The following DLG1 variants were observed in gnomAD, a reference collection of about 807,000 sequenced individuals.
DLG1 encodes disks large homolog 1.
In DLG1, 42 loss-of-function variants were observed where a neutral mutation model predicts 123.4. That is an observed-to-expected ratio of 0.34 (90% CI 0.27 to 0.44). The LOEUF (loss-of-function observed/expected upper bound fraction) is 0.44. Ranked by LOEUF, DLG1 falls within the 20% of genes least tolerant of loss-of-function variation. The pLI, the probability that DLG1 is intolerant of heterozygous loss-of-function variation, is 1.00. For missense variants in DLG1, 942 were observed against 1,082.6 expected (o/e 0.87, Z 1.82); for synonymous variants, 317 against 356.2 (o/e 0.89, Z 1.24).
chr3:197,221,338 T>C (rs1386329582), intron 4 of DLG1, among the ~76,000 whole-genome samples: 1 of 151,856 alleles, frequency 6.6e-6, no homozygotes, highest in Non-Finnish European at 1.5e-5. Flanking sequence ...GCCAACTTGA[T>C]TGAAACCCCA....
At position 197,236,381 on chromosome 3, in the gene DLG1, C is replaced by T. The variant is rs116545947; in HGVS notation, c.319-41792G>A. Among the ~76,000 whole-genome samples, 295 of 151,882 alleles carry T rather than the reference C, an allele frequency of 1.9e-3. 1 individual carries two copies. Among genetic ancestry groups the T allele is most frequent in the African/African-American group, 6.8e-3 (282 of 41,408 alleles). On this transcript the variant is annotated intron_variant, in intron 4 of 24. Coordinates refer to ENST00000667157, the MANE Select transcript of DLG1 (RefSeq NM_001366207.1). ...AACAACAGCTGAGAGAATTCATCAC[C>T]AGAAGAAATGCATTTCAAGAAATGT...
intron 2 of DLG1, chr3:197,296,952 T>TGG: frequency 4.1e-6 from 2 of 489,276 alleles, no homozygotes; most frequent in Admixed American, 4.0e-5. Flanking sequence ...AGGACATCTG[T>TGG]TGGGGGGGGG....
intron 5 of DLG1, among the ~76,000 whole-genome samples, chr3:197,179,724 G>A (rs552235795): frequency 8.5e-5 from 13 of 152,126 alleles, no homozygotes; most frequent in Non-Finnish European, 1.8e-4. Flanking sequence ...CAATGACACT[G>A]ATACTGTTAT....
At chr3:197,065,611 T>A in intron 21 of DLG1, 97 bp downstream of exon 21, 1 of 1,032,056 alleles carries the variant, frequency 9.7e-7, no homozygotes, top group Non-Finnish European at 1.4e-6. Context: ...ATAAAATAAG[T>A]ACAAACCATT....
intron 10 of DLG1, chr3:197,136,273 C>A: frequency 3.4e-6 from 1 of 295,020 alleles, no homozygotes; most frequent in Non-Finnish European, 6.3e-6. Context: ...TTTTATAAAC[C>A]TAAGGATTAT....
chr3:197,269,056 C>A (rs189601598), intron 4 of DLG1, among the ~76,000 whole-genome samples: 11 of 152,286 alleles, frequency 7.2e-5, no homozygotes, highest in Admixed American at 2.6e-4. Context: ...CCTGAAGGGC[C>A]TGCCTGAGGC....
At chr3:197,253,873 T>G (rs1206193177) in intron 4 of DLG1, among the ~76,000 whole-genome samples, 2 of 152,212 alleles carry the variant, frequency 1.3e-5, no homozygotes, top group Middle Eastern at 3.4e-3. Flanking sequence ...TATTATTATT[T>G]TTTTACAAAC....
chr3:197,125,931 T>A (rs2149487877), intron 11 of DLG1, among the ~76,000 whole-genome samples: 1 of 152,304 alleles, frequency 6.6e-6, no homozygotes, highest in Non-Finnish European at 1.5e-5. Context: ...GCAGGGTGAC[T>A]GTGCAGGCTT....
intron 4 of DLG1, among the ~76,000 whole-genome samples, chr3:197,195,814 C>G (rs764270078): frequency 1.1e-5 from 1 of 95,040 alleles, no homozygotes; most frequent in Non-Finnish European, 2.3e-5. Flanking sequence ...ATTCCTACGC[C>G]AAGCCTCAGT....
At chr3:197,152,835 A>G (rs1013152357) in intron 5 of DLG1, among the ~76,000 whole-genome samples, 1 of 149,694 alleles carries the variant, frequency 6.7e-6, no homozygotes, top group African/African-American at 2.5e-5. Context: ...TTACCATTCT[A>G]TTTCATCAAC....
chr3:197,124,145 G>A (rs1777812604), intron 11 of DLG1, among the ~76,000 whole-genome samples: 1 of 152,128 alleles, frequency 6.6e-6, no homozygotes, highest in South Asian at 2.1e-4. Context: ...GTGGGAGGAT[G>A]GCCTGAGCCC....
chr3:197,065,879 C>T (rs1013397263), intron 20 of DLG1, 70 bp from the exon 21 acceptor site: 88 of 1,048,292 alleles, frequency 8.4e-5, no homozygotes, highest in South Asian at 6.9e-4. Context: ...ATTTCACCAG[C>T]GAACAAAAAT....
intron 14 of DLG1, among the ~76,000 whole-genome samples, chr3:197,098,812 G>A (rs1020782349): frequency 3.9e-5 from 6 of 152,222 alleles, no homozygotes; most frequent in Admixed American, 1.3e-4. Context: ...GATTACAGGC[G>A]TGAGCCATTG....
At position 197,043,147 on chromosome 3, in the gene DLG1, C is replaced by T. The variant is rs1226823721; in HGVS notation, c.*1476G>A. ...GATTTGTGAAATAATTTCTACCTTT[C>T]ACTAACATTTCTTAAAATTGCTCAC... is the stretch of plus-strand genomic sequence containing the variant. On this transcript the variant is annotated 3_prime_UTR_variant, in exon 25 of 25. Coordinates refer to ENST00000667157, the MANE Select transcript of DLG1 (RefSeq NM_001366207.1). 6.6e-6 allele frequency: 1 copy of T among 152,188 alleles called. No individual in the cohort carries two copies. Among genetic ancestry groups the T allele is most frequent in the African/African-American group, 2.4e-5 (1 of 41,440 alleles). The allele number at this position is 152,188 out of a possible 1,614,324, so 9.4% of individuals were successfully genotyped here.
At chr3:197,176,590 TGG>T (rs576855651) in intron 5 of DLG1, among the ~76,000 whole-genome samples, 198 of 152,314 alleles carry the variant, frequency 1.3e-3, no homozygotes, top group African/African-American at 4.5e-3. Context: ...TTCTTTCACC[TGG>T]TAATATTCAT....
chr3:197,238,009 T>C (rs1387352488), intron 4 of DLG1, among the ~76,000 whole-genome samples: 1 of 152,118 alleles, frequency 6.6e-6, no homozygotes, highest in Non-Finnish European at 1.5e-5. Flanking sequence ...CCATGCAGTG[T>C]TAGTGAAGAC....
At chr3:197,190,887 G>A (rs1234288256) in intron 5 of DLG1, among the ~76,000 whole-genome samples, 1 of 152,172 alleles carries the variant, frequency 6.6e-6, no homozygotes, top group African/African-American at 2.4e-5. Flanking sequence ...GCGGGCGCCT[G>A]TAGTCCCAGC....
chr3:197,177,648 C>T (rs1248805134), intron 5 of DLG1, among the ~76,000 whole-genome samples: 3 of 151,986 alleles, frequency 2.0e-5, no homozygotes, highest in Admixed American at 2.0e-4. Flanking sequence ...CAGAGTGACC[C>T]CATATGCCTC....
intron 4 of DLG1, among the ~76,000 whole-genome samples, chr3:197,205,851 G>T (rs1391487486): frequency 5.9e-5 from 9 of 152,174 alleles, no homozygotes; most frequent in Admixed American, 5.9e-4. Context: ...TCTGGGGACT[G>T]TCTATATACA....
Sources: gnomAD v4.1 joint callset for allele counts (sites outside exome capture counted in the v4.1 genomes callset) on GRCh38, gnomAD v4.1.1 for gene constraint, MANE v1.5 for transcripts, NCBI Gene and HGNC (gene_info 2026-07-23, HGNC 2026-07-21) for gene names.